The following MPDZ variants were observed in gnomAD, a reference collection of about 807,000 sequenced individuals.
MPDZ encodes the protein multiple PDZ domain crumbs cell polarity complex component, also known as multiple PDZ domain protein.
A neutral mutation model predicts 239.1 loss-of-function variants in MPDZ; 234 were observed. That is an observed-to-expected ratio of 0.98 (90% CI 0.88 to 1.09). The LOEUF (loss-of-function observed/expected upper bound fraction) is 1.09. Ranked by LOEUF, MPDZ falls within the 50% of genes least tolerant of loss-of-function variation. The pLI is 0.00. For missense variants in MPDZ, 3,175 were observed against 2,510.0 expected, an observed-to-expected ratio of 1.26 and a Z score of -5.66; for synonymous variants, 1,048 against 881.3, an observed-to-expected ratio of 1.19 and a Z score of -3.35.
chr9:13,164,050 T>G (rs1385651698), intron 22 of MPDZ, among the ~76,000 whole-genome samples: 1 of 152,172 alleles, frequency 6.6e-6, no homozygotes, highest in Admixed American at 6.6e-5. Flanking sequence ...GAAGCTACTG[T>G]AAGCTGAGGA....
chr9:13,170,982 T>C (rs1951710219), intron 21 of MPDZ, among the ~76,000 whole-genome samples: 3 of 152,104 alleles, frequency 2.0e-5, no homozygotes, highest in Non-Finnish European at 2.9e-5. Context: ...AAATCCCAAA[T>C]CCCAAATCAT....
rs762227968 is a variant in MPDZ at position 13,122,193 on chromosome 9, C to A, written c.4954-23G>T. 8 of 1,604,802 alleles carry A rather than the reference C, an allele frequency of 5.0e-6. No individual in the cohort carries two copies. In the East Asian group the frequency reaches 1.8e-4, roughly 36 times the overall value. On this transcript the variant is annotated intron_variant, in intron 36 of 46. Transcript: ENST00000319217. ...ACCCTAAGGGCCCAAACAAAACATA[C>A]CCATACTTATCCCATTCTCCTAGGA...
chr9:13,276,429 A>G (rs1190165538), intron 1 of MPDZ: 4 of 152,210 alleles, frequency 2.6e-5, no homozygotes, highest in Admixed American at 2.6e-4. Flanking sequence ...ACACTAATTT[A>G]CAAGAAAAAA....
At chr9:13,213,613 T>C (rs1295938435) in intron 10 of MPDZ, among the ~76,000 whole-genome samples, 1 of 152,072 alleles carries the variant, frequency 6.6e-6, no homozygotes, top group East Asian at 1.9e-4. Context: ...GAATTTAAAA[T>C]GCTTATATCT....
At chr9:13,217,730 T>A (rs994072838) in intron 8 of MPDZ, among the ~76,000 whole-genome samples, 1 of 151,582 alleles carries the variant, frequency 6.6e-6, no homozygotes, top group Admixed American at 6.6e-5. Context: ...ATCACTTTGG[T>A]CAACTATCAG....
chr9:13,217,523 C>T (rs1024137338), intron 8 of MPDZ, among the ~76,000 whole-genome samples: 2 of 151,672 alleles, frequency 1.3e-5, no homozygotes, highest in Non-Finnish European at 2.9e-5. Context: ...TTGAACCTTC[C>T]CTTATCAGAG....
intron 7 of MPDZ, 74 bp from the exon 8 acceptor site, chr9:13,219,842 ATTAAT>A: frequency 9.1e-6 from 13 of 1,433,354 alleles, no homozygotes; most frequent in Non-Finnish European, 1.3e-5. Flanking sequence ...ATGAGAAGGG[ATTAAT>A]TTTAGAAAAG....
chr9:13,214,571 T>C (rs952835367), intron 10 of MPDZ, among the ~76,000 whole-genome samples: 1 of 152,088 alleles, frequency 6.6e-6, no homozygotes, highest in Non-Finnish European at 1.5e-5. Context: ...TTGTATGGTA[T>C]GTGAATTACA....
At position 13,222,223 on chromosome 9, in the gene MPDZ, AG is replaced by A. The variant is rs1448890894; in HGVS notation, c.747+9del. 6.3e-7 allele frequency: 1 copy of A among 1,597,782 alleles called. No individual in the cohort carries two copies. The highest frequency in any genetic ancestry group is 1.4e-5 in the African/African-American group (1 of 74,066). On this transcript the variant is annotated intron_variant, in intron 6 of 46. Transcript: ENST00000319217. ...ACGTTCTGTTCCTTTTGAAAATTTT[AG>A]GTACTCACCGGATTAGAGTGAGCTG... is the stretch of plus-strand genomic sequence containing the variant.
intron 5 of MPDZ, among the ~76,000 whole-genome samples, chr9:13,222,798 T>G (rs1564069981): frequency 6.6e-6 from 1 of 151,830 alleles, no homozygotes; most frequent in Non-Finnish European, 1.5e-5. Flanking sequence ...ATCCATAGAT[T>G]AGATCCCCAA....
At chr9:13,204,919 T>C in intron 12 of MPDZ, 117 bp downstream of exon 12, 1 of 598,604 alleles carries the variant, frequency 1.7e-6, no homozygotes, top group Non-Finnish European at 2.6e-6. Context: ...ACTTCACTTT[T>C]TGAAATTTTT....
intron 16 of MPDZ, among the ~76,000 whole-genome samples, chr9:13,189,744 T>C (rs1348869510): frequency 1.3e-5 from 2 of 152,206 alleles, no homozygotes; most frequent in Admixed American, 6.5e-5. Context: ...AATATCAGAT[T>C]ATAAATTAGC....
chr9:13,147,254 T>C (rs538328905), intron 26 of MPDZ, among the ~76,000 whole-genome samples: 10 of 152,156 alleles, frequency 6.6e-5, no homozygotes, highest in African/African-American at 2.4e-4. Context: ...TTTTAATAAC[T>C]TGTGTATTTT....
intron 21 of MPDZ, among the ~76,000 whole-genome samples, chr9:13,173,987 T>C (rs1007434234): frequency 6.6e-6 from 1 of 152,152 alleles, no homozygotes; most frequent in African/African-American, 2.4e-5. Flanking sequence ...AACTCTGATT[T>C]TGCCAGTCAT....
intron 10 of MPDZ, among the ~76,000 whole-genome samples, chr9:13,209,673 T>C (rs1957388177): frequency 1.3e-5 from 2 of 152,126 alleles, no homozygotes; most frequent in African/African-American, 4.8e-5. Flanking sequence ...AAAAGATATT[T>C]CCTGAAACTT....
intron 46 of MPDZ, among the ~76,000 whole-genome samples, chr9:13,107,370 G>A (rs776170771): frequency 2.0e-5 from 3 of 152,302 alleles, no homozygotes; most frequent in South Asian, 4.1e-4. Context: ...GTTTTTGGCT[G>A]TTCAGCACAG....
At chr9:13,268,382 T>C (rs1195723028) in intron 1 of MPDZ, among the ~76,000 whole-genome samples, 3 of 152,102 alleles carry the variant, frequency 2.0e-5, no homozygotes, top group Non-Finnish European at 1.5e-5. Context: ...TATCTAATTT[T>C]GTATTTATAA....
At chr9:13,222,582 A>G (rs1305871964) in intron 5 of MPDZ, 136 bp from the exon 6 acceptor site, 1 of 698,206 alleles carries the variant, frequency 1.4e-6, no homozygotes, top group Non-Finnish European at 2.4e-6. Context: ...CTGCAGTTCT[A>G]CTTTAAAAAA....
chr9:13,106,907 T>C lies in MPDZ; in HGVS notation c.*58A>G, dbSNP rs750687466. 1.3e-6 allele frequency: 2 copies of C among 1,584,036 alleles called. No individual in the cohort carries two copies. Among genetic ancestry groups the C allele is most frequent in the Non-Finnish European group, 1.7e-6 (2 of 1,156,106 alleles). ...CATAAAAATTGTCAGGACCAGTGCA[T>C]TCTCTTTACAGTAGGAGGTGAGCTA... On this transcript the variant is annotated 3_prime_UTR_variant, in exon 47 of 47. Transcript: ENST00000319217.
Sources: allele counts gnomAD v4.1 joint callset (sites outside exome capture counted in the v4.1 genomes callset), GRCh38; gene constraint gnomAD v4.1.1; transcripts MANE v1.5; gene names NCBI Gene and HGNC (gene_info 2026-07-23, HGNC 2026-07-21).